CALN1: variants seen among roughly 807,000 people sequenced by gnomAD.
CALN1 encodes the protein calcium-binding protein 8.
A neutral mutation model predicts 30.6 loss-of-function variants in CALN1; 17 were observed. The ratio of observed to expected loss-of-function variants is 0.56; its 90% CI spans 0.38 to 0.83. The LOEUF (loss-of-function observed/expected upper bound fraction) is 0.83. CALN1 is among the 40% of genes least tolerant of loss of function. The probability of loss-of-function intolerance (pLI) is 0.00; values close to 1 mark genes in which losing one functional copy is unlikely to be tolerated. For synonymous variants in CALN1, 156 were observed against 131.4 expected, an observed-to-expected ratio of 1.19 and a Z score of -1.28; for missense variants, 291 against 354.9, an observed-to-expected ratio of 0.82 and a Z score of 1.45.
chr7:71,802,594 C>T (rs1395381635), intron 6 of CALN1, among the ~76,000 whole-genome samples: 1 of 152,146 alleles, frequency 6.6e-6, no homozygotes, highest in Non-Finnish European at 1.5e-5. Flanking sequence ...TCCCGAATAG[C>T]TGAGACTACA....
At chr7:71,922,154 T>A (rs1794979355) in intron 5 of CALN1, among the ~76,000 whole-genome samples, 1 of 152,204 alleles carries the variant, frequency 6.6e-6, no homozygotes, top group Admixed American at 6.5e-5. Flanking sequence ...ACAAGCACTA[T>A]GAGCAAATAA....
intron 3 of CALN1, among the ~76,000 whole-genome samples, chr7:72,230,184 T>C (rs187434622): frequency 4.0e-4 from 61 of 151,582 alleles, no homozygotes; most frequent in Non-Finnish European, 6.6e-4. Flanking sequence ...AGATGACAGG[T>C]TGATAGGTGC....
intron 3 of CALN1, among the ~76,000 whole-genome samples, chr7:72,242,078 T>G (rs1156982418): frequency 6.6e-6 from 1 of 152,186 alleles, no homozygotes; most frequent in Non-Finnish European, 1.5e-5. Flanking sequence ...CCCTTCTACT[T>G]CCTATGAATT....
intron 5 of CALN1, among the ~76,000 whole-genome samples, chr7:71,868,654 T>C (rs1791738871): frequency 6.6e-6 from 1 of 151,784 alleles, no homozygotes; most frequent in Non-Finnish European, 1.5e-5. Context: ...TAAGAACTCA[T>C]TCACTCATTA....
intron 5 of CALN1, among the ~76,000 whole-genome samples, chr7:71,921,393 G>T (rs1345149801): frequency 1.3e-5 from 2 of 152,128 alleles, no homozygotes; most frequent in Non-Finnish European, 2.9e-5. Flanking sequence ...AAGTTATATA[G>T]ATTTGTTCCT....
At chr7:72,273,720 A>G (rs1393349704) in intron 3 of CALN1, among the ~76,000 whole-genome samples, 2 of 151,860 alleles carry the variant, frequency 1.3e-5, no homozygotes, top group Non-Finnish European at 2.9e-5. Flanking sequence ...TATGTTGCCC[A>G]GGCTGGTCTC....
chr7:71,803,171 A>G (rs560733105), intron 6 of CALN1, among the ~76,000 whole-genome samples: 1 of 152,276 alleles, frequency 6.6e-6, no homozygotes, highest in East Asian at 1.9e-4. Flanking sequence ...TAAAGTTCTA[A>G]TACTATGTAA....
At chr7:71,861,063 A>G (rs564341632) in intron 5 of CALN1, among the ~76,000 whole-genome samples, 1 of 152,304 alleles carries the variant, frequency 6.6e-6, no homozygotes, top group African/African-American at 2.4e-5. Flanking sequence ...CAAGGAAAGA[A>G]GAGAAGACAC....
At chr7:72,411,294 A>G (rs995638494) in intron 1 of CALN1, among the ~76,000 whole-genome samples, 14 of 152,210 alleles carry the variant, frequency 9.2e-5, no homozygotes, top group African/African-American at 2.4e-4. Context: ...TTAGAACATA[A>G]TATTTTGACT....
At chr7:72,104,744 A>G (rs1038451491) in intron 4 of CALN1, among the ~76,000 whole-genome samples, 1 of 152,096 alleles carries the variant, frequency 6.6e-6, no homozygotes, top group Non-Finnish European at 1.5e-5. Context: ...AGATCACGAG[A>G]TCAGGAGATT....
intron 2 of CALN1, among the ~76,000 whole-genome samples, chr7:72,285,263 G>C (rs768159958): frequency 6.6e-6 from 1 of 151,980 alleles, no homozygotes; most frequent in African/African-American, 2.4e-5. Flanking sequence ...GTTTGTTTTT[G>C]AGATGGAGTC....
chr7:71,935,464 T>C (rs1030143229), intron 5 of CALN1, among the ~76,000 whole-genome samples: 4 of 152,174 alleles, frequency 2.6e-5, no homozygotes, highest in Admixed American at 6.5e-5. Context: ...GGTGCGGTGT[T>C]TCAATCCCAG....
chr7:72,393,571 G>A (rs1204619956), intron 2 of CALN1, among the ~76,000 whole-genome samples: 1 of 152,110 alleles, frequency 6.6e-6, no homozygotes, highest in Non-Finnish European at 1.5e-5. Context: ...GGAGGACACT[G>A]CATGAACATG....
intron 1 of CALN1, among the ~76,000 whole-genome samples, chr7:72,423,951 AAGGG>A (rs201015686): frequency 0.1 from 10,745 of 103,868 alleles, 835 homozygotes; most frequent in East Asian, 0.27. Flanking sequence ...AGAAAGAAAG[AAGGG>A]AGGGAGGGAG....
chr7:72,360,157 G>A (rs765718176), intron 2 of CALN1, among the ~76,000 whole-genome samples: 2 of 151,974 alleles, frequency 1.3e-5, no homozygotes, highest in Non-Finnish European at 2.9e-5. Context: ...CAACAAACTG[G>A]GAAATTTGAT....
intron 4 of CALN1, among the ~76,000 whole-genome samples, chr7:72,052,369 G>A (rs888707490): frequency 1.3e-5 from 2 of 152,142 alleles, no homozygotes. Context: ...GTAGAGAGAA[G>A]ATACGGAGGA....
chr7:72,082,283 G>A (rs114618678), intron 4 of CALN1, among the ~76,000 whole-genome samples: 2,964 of 152,260 alleles, frequency 0.019, 95 homozygotes, highest in African/African-American at 0.067. Context: ...ACCTCGCTCC[G>A]CCGGAACAAA....
intron 3 of CALN1, among the ~76,000 whole-genome samples, chr7:72,217,832 A>AT (rs35736777): frequency 0.028 from 1,879 of 67,332 alleles, 96 homozygotes; most frequent in African/African-American, 0.043. Flanking sequence ...AATTAAATAA[A>AT]TTTTTTTTTT....
chr7:72,258,864 C>T (rs2129552640), intron 3 of CALN1, among the ~76,000 whole-genome samples: 1 of 150,380 alleles, frequency 6.6e-6, no homozygotes, highest in South Asian at 2.1e-4. Flanking sequence ...AGCAGCCTGG[C>T]CAACATGGTG....
Sources: allele counts gnomAD v4.1 joint callset (sites outside exome capture counted in the v4.1 genomes callset), GRCh38; gene constraint gnomAD v4.1.1; transcripts MANE v1.5; gene names NCBI Gene and HGNC (gene_info 2026-07-23, HGNC 2026-07-21).